The following ADAMTS18 variants were observed in gnomAD, a reference collection of about 807,000 sequenced individuals.
ADAMTS18 encodes the protein ADAM metallopeptidase with thrombospondin type 1 motif 18, also known as A disintegrin and metalloproteinase with thrombospondin motifs 18.
A neutral mutation model predicts 165.9 loss-of-function variants in ADAMTS18; 157 were observed. That is an observed-to-expected ratio of 0.95 (90% CI 0.83 to 1.08). The LOEUF (loss-of-function observed/expected upper bound fraction) is 1.08. Among genes scored for constraint, ADAMTS18 ranks in the 50% least tolerant of loss-of-function variants. The pLI is 0.00. For missense variants in ADAMTS18, 2,040 were observed against 1,534.0 expected, an observed-to-expected ratio of 1.33 and a Z score of -5.51; for synonymous variants, 782 against 578.2, an observed-to-expected ratio of 1.35 and a Z score of -5.06.
rs1331401019 is a variant in ADAMTS18, at chr16:77,282,904, C to CTTTTTTTTTTTT, written c.*1051_*1052insAAAAAAAAAAAA. On this transcript the variant is annotated 3_prime_UTR_variant, in exon 23 of 23. Transcript: ENST00000282849. ...TACCACTGTTTACTCCTTTCTTTCT[C>CTTTTTTTTTTTT]TCTTTTTTTTTTTTTTTTTTTTGCT... 1.9e-4 allele frequency: 15 copies of CTTTTTTTTTTTT among 77,746 alleles called. No homozygotes were observed. The highest frequency in any genetic ancestry group is 4.6e-4 in the South Asian group (1 of 2,168). 4.8% of individuals were successfully genotyped at this position (77,746 alleles called of 1,614,324 possible). A position where few individuals can be genotyped will look rare whatever the true frequency, so the allele number is the denominator to read the frequency against.
chr16:77,402,648 C>G (rs2057345807), intron 3 of ADAMTS18, among the ~76,000 whole-genome samples: 1 of 152,054 alleles, frequency 6.6e-6, no homozygotes, highest in Non-Finnish European at 1.5e-5. Context: ...CATGCCTTCC[C>G]TTCCCTCATT....
chr16:77,303,890 C>A (rs540871041), intron 16 of ADAMTS18, among the ~76,000 whole-genome samples: 44 of 152,086 alleles, frequency 2.9e-4, no homozygotes, highest in Non-Finnish European at 5.3e-4. Flanking sequence ...ACAAGCCAGG[C>A]CTGGTGGTGG....
rs1317142226 is a variant in ADAMTS18 at position 77,362,271 on chromosome 16, G to A, written c.1057-7C>T. On this transcript the variant is annotated splice_polypyrimidine_tract_variant and splice_region_variant and intron_variant, in intron 6 of 22. Coordinates refer to ENST00000282849, the MANE Select transcript of ADAMTS18 (RefSeq NM_199355.4). ...GGTTGATCAATAATCCTCCCTATGG[G>A]AAACCCACACAAATCAAAGTGTGAA... 3 of 1,613,920 alleles carry A rather than the reference G, an allele frequency of 1.9e-6. No homozygotes were observed. The highest frequency in any genetic ancestry group is 1.3e-5 in the African/African-American group (1 of 74,938).
rs1378065018 is a variant in ADAMTS18 at position 77,431,349 on chromosome 16, T to A, written c.441A>T (p.Gly147=). The change falls in exon 3 of 23, where the codon GGA becomes GGT. Residue 147 remains glycine, a synonymous_variant. Transcript: ENST00000282849. ...KPEVQQCFYQ[G]FIRNDSSSSV... ...AGGAGGAGCTGTCATTTCTGATAAA[T>A]CCCTGATAGAAGCATTGCTGCACCT... 4 of 1,614,134 alleles carry A rather than the reference T, an allele frequency of 2.5e-6. No individual in the cohort carries two copies. Among genetic ancestry groups the A allele is most frequent in the African/African-American group, 1.3e-5 (1 of 75,010 alleles).
intron 3 of ADAMTS18, among the ~76,000 whole-genome samples, chr16:77,411,653 T>C (rs1040801506): frequency 2.0e-5 from 3 of 151,000 alleles, no homozygotes; most frequent in African/African-American, 7.3e-5. Context: ...ATTTGTCAAC[T>C]TGATGGACCA....
chr16:77,347,051 G>A (rs1391619937), intron 10 of ADAMTS18, among the ~76,000 whole-genome samples: 1 of 152,074 alleles, frequency 6.6e-6, no homozygotes, highest in Non-Finnish European at 1.5e-5. Context: ...CATATAAATG[G>A]AACCATACAG....
At chr16:77,310,461 T>C (rs2055759628) in intron 16 of ADAMTS18, among the ~76,000 whole-genome samples, 1 of 152,176 alleles carries the variant, frequency 6.6e-6, no homozygotes, top group Admixed American at 6.5e-5. Context: ...TTTTCCAAAG[T>C]CACATAGTTT....
At chr16:77,312,527 C>T (rs553286924) in intron 16 of ADAMTS18, among the ~76,000 whole-genome samples, 86 of 152,274 alleles carry the variant, frequency 5.6e-4, no homozygotes, top group Non-Finnish European at 1.1e-3. Context: ...CGTGAGCCAC[C>T]GCACTCGGCC....
chr16:77,335,061 T>C (rs970613353), intron 12 of ADAMTS18, among the ~76,000 whole-genome samples: 5 of 147,030 alleles, frequency 3.4e-5, no homozygotes, highest in Non-Finnish European at 4.5e-5. Context: ...TAATGTAGTA[T>C]AATAGTATTA....
At chr16:77,370,812 T>TAC (rs767086556) in intron 3 of ADAMTS18, among the ~76,000 whole-genome samples, 7 of 151,686 alleles carry the variant, frequency 4.6e-5, no homozygotes, top group Non-Finnish European at 8.8e-5. Flanking sequence ...TATATACATA[T>TAC]ACACACACAC....
At chr16:77,413,615 G>A (rs2057492826) in intron 3 of ADAMTS18, among the ~76,000 whole-genome samples, 1 of 151,882 alleles carries the variant, frequency 6.6e-6, no homozygotes, top group South Asian at 2.1e-4. Flanking sequence ...TGGGACATTG[G>A]GTTTTAATTT....
At chr16:77,341,867 G>T in intron 10 of ADAMTS18, 68 bp from the exon 11 acceptor site, 2 of 1,154,984 alleles carry the variant, frequency 1.7e-6, no homozygotes, top group Non-Finnish European at 2.5e-6. Context: ...ATTCAAAGAT[G>T]TTGTATATAA....
chr16:77,370,969 T>C (rs1405884171), intron 3 of ADAMTS18, among the ~76,000 whole-genome samples: 1 of 152,156 alleles, frequency 6.6e-6, no homozygotes, highest in Non-Finnish European at 1.5e-5. Flanking sequence ...TATACAAGGC[T>C]GGATGCAGTG....
chr16:77,405,371 C>T (rs1281267140), intron 3 of ADAMTS18, among the ~76,000 whole-genome samples: 4 of 152,162 alleles, frequency 2.6e-5, no homozygotes, highest in Non-Finnish European at 5.9e-5. Flanking sequence ...CAATTCAGCT[C>T]TCATTTTGAT....
intron 3 of ADAMTS18, among the ~76,000 whole-genome samples, chr16:77,393,235 G>A (rs1018809868): frequency 6.6e-6 from 1 of 152,144 alleles, no homozygotes; most frequent in African/African-American, 2.4e-5. Context: ...CAGCCCTCCT[G>A]GGTACAACTC....
chr16:77,393,623 CAAG>C (rs1206485115), intron 3 of ADAMTS18, among the ~76,000 whole-genome samples: 1 of 152,154 alleles, frequency 6.6e-6, no homozygotes, highest in African/African-American at 2.4e-5. Context: ...GAAGACACAG[CAAG>C]AAGGTGACAA....
At position 77,299,019 on chromosome 16, in the gene ADAMTS18, C is replaced by A. The variant is rs542741284; in HGVS notation, c.2674+1244G>T. 1.1e-4 allele frequency among the ~76,000 whole-genome samples: 17 copies of A among 152,322 alleles called. No homozygotes were observed. The South Asian group carries it at 1.7e-3, about 15-fold the overall frequency. On this transcript the variant is annotated intron_variant, in intron 17 of 22. Transcript: ENST00000282849. ...TTCTGTAAGTGGAAAGCAAATCAAA[C>A]TTCTCTCCTTCCCAAGGCACTGTGC...
chr16:77,333,099 A>T (rs934429936), intron 12 of ADAMTS18, among the ~76,000 whole-genome samples: 1 of 152,208 alleles, frequency 6.6e-6, no homozygotes, highest in African/African-American at 2.4e-5. Flanking sequence ...CCTAGTTTAG[A>T]TGAACAGAGT....
chr16:77,416,976 G>A (rs749930141), intron 3 of ADAMTS18, among the ~76,000 whole-genome samples: 1 of 152,106 alleles, frequency 6.6e-6, no homozygotes, highest in East Asian at 1.9e-4. Flanking sequence ...AAGATTACTC[G>A]GTATTTATAT....
Sources: allele counts gnomAD v4.1 joint callset (sites outside exome capture counted in the v4.1 genomes callset), GRCh38; gene constraint gnomAD v4.1.1; transcripts MANE v1.5; gene names NCBI Gene and HGNC (gene_info 2026-07-23, HGNC 2026-07-21).